DAB1: variants seen among roughly 807,000 people sequenced by gnomAD.
DAB1 encodes the protein disabled homolog 1.
In DAB1, 15 loss-of-function variants were observed where a neutral mutation model predicts 64.6. That is an observed-to-expected ratio of 0.23 (90% confidence interval 0.16 to 0.36). The LOEUF is 0.36. Among genes scored for constraint, DAB1 ranks in the 10% least tolerant of loss-of-function variants. The pLI is 1.00. For synonymous variants in DAB1, 235 were observed against 251.9 expected, an observed-to-expected ratio of 0.93 and a Z score of 0.64; for missense variants, 596 against 706.7, an observed-to-expected ratio of 0.84 and a Z score of 1.78.
chr1:57,514,759 C>G (rs1287654660), intron 7 of DAB1, among the ~76,000 whole-genome samples: 1 of 152,186 alleles, frequency 6.6e-6, no homozygotes, highest in African/African-American at 2.4e-5. Flanking sequence ...GCCAGACTGT[C>G]TAGGTTCAAA....
intron 4 of DAB1, among the ~76,000 whole-genome samples, chr1:58,283,055 G>C (rs1383111565): frequency 6.7e-6 from 1 of 150,156 alleles, no homozygotes; most frequent in African/African-American, 2.5e-5. Context: ...ATAGTAGACA[G>C]AATTTTTTTT....
chr1:57,184,254 G>A (rs1253085421), intron 2 of DAB1, among the ~76,000 whole-genome samples: 1 of 152,168 alleles, frequency 6.6e-6, no homozygotes, highest in Non-Finnish European at 1.5e-5. Context: ...TCAGGCCAGA[G>A]CAAACTACAA....
At chr1:58,125,129 A>C (rs942265654) in intron 5 of DAB1, among the ~76,000 whole-genome samples, 82 of 152,198 alleles carry the variant, frequency 5.4e-4, no homozygotes, top group Non-Finnish European at 4.4e-5. Flanking sequence ...CATTGCATGG[A>C]ATATTAACTC....
intron 5 of DAB1, chr1:58,049,477 G>A: frequency 4.3e-6 from 1 of 230,518 alleles, no homozygotes; most frequent in Non-Finnish European, 8.5e-6. Flanking sequence ...CATTGCAGAA[G>A]GAATTGATTG....
chr1:57,957,083 T>C (rs928790561), intron 5 of DAB1, among the ~76,000 whole-genome samples: 5 of 152,176 alleles, frequency 3.3e-5, no homozygotes, highest in African/African-American at 4.8e-5. Context: ...TTGGAAAATT[T>C]TGAAAGGAGG....
chr1:57,287,680 G>T (rs1442561040), intron 2 of DAB1, among the ~76,000 whole-genome samples: 1 of 152,026 alleles, frequency 6.6e-6, no homozygotes, highest in African/African-American at 2.4e-5. Context: ...TATTAATTTT[G>T]TCCAAGTTAG....
At chr1:58,022,084 G>A (rs1557613382) in intron 5 of DAB1, among the ~76,000 whole-genome samples, 1 of 152,142 alleles carries the variant, frequency 6.6e-6, no homozygotes. Context: ...GATCCCATGG[G>A]CAGACCCCTT....
At chr1:57,017,557 T>C (rs1646474281) in intron 11 of DAB1, among the ~76,000 whole-genome samples, 1 of 152,166 alleles carries the variant, frequency 6.6e-6, no homozygotes, top group Non-Finnish European at 1.5e-5. Context: ...AAGGTGCCCA[T>C]TTCCTCTCAT....
chr1:58,163,789 A>G (rs1250615505), intron 4 of DAB1, among the ~76,000 whole-genome samples: 1 of 152,232 alleles, frequency 6.6e-6, no homozygotes, highest in Non-Finnish European at 1.5e-5. Context: ...GGTCTGACAG[A>G]GACGTATTCC....
At chr1:58,370,597 A>G (rs1030504726) in intron 3 of DAB1, among the ~76,000 whole-genome samples, 6 of 152,168 alleles carry the variant, frequency 3.9e-5, no homozygotes, top group African/African-American at 1.4e-4. Flanking sequence ...TATTATTTGT[A>G]TAAACACACT....
chr1:58,286,517 G>A (rs1661686894), intron 4 of DAB1, among the ~76,000 whole-genome samples: 1 of 152,118 alleles, frequency 6.6e-6, no homozygotes, highest in African/African-American at 2.4e-5. Context: ...GACATGAACA[G>A]ACACTTCTCA....
At chr1:57,058,313 A>G (rs1334584750) in intron 9 of DAB1, among the ~76,000 whole-genome samples, 1 of 152,214 alleles carries the variant, frequency 6.6e-6, no homozygotes, top group Non-Finnish European at 1.5e-5. Context: ...GAGAACCAAC[A>G]CTGTCTTAGT....
intron 4 of DAB1, among the ~76,000 whole-genome samples, chr1:58,258,370 G>T (rs1449646161): frequency 6.6e-6 from 1 of 152,212 alleles, no homozygotes; most frequent in African/African-American, 2.4e-5. Flanking sequence ...TAAACCGACA[G>T]CCTGAGATAT....
intron 4 of DAB1, among the ~76,000 whole-genome samples, chr1:58,342,612 C>T (rs1199131226): frequency 6.6e-6 from 1 of 152,154 alleles, no homozygotes; most frequent in African/African-American, 2.4e-5. Context: ...CTCAAGCTCA[C>T]TCAATGTACC....
chr1:57,568,130 C>T (rs1645146148), intron 7 of DAB1, among the ~76,000 whole-genome samples: 2 of 152,140 alleles, frequency 1.3e-5, no homozygotes. Context: ...CACACATCTA[C>T]AACTATCTGA....
At chr1:58,300,646 G>GGAAGGAAGGAAGGA (rs1553173952) in intron 4 of DAB1, among the ~76,000 whole-genome samples, 2 of 57,290 alleles carry the variant, frequency 3.5e-5, no homozygotes, top group Non-Finnish European at 7.1e-5. Context: ...GAGAGAGAGA[G>GGAAGGAAGGAAGGA]AGGAAGGAAG....
At chr1:57,230,037 G>A (rs776136935) in intron 2 of DAB1, among the ~76,000 whole-genome samples, 15 of 152,132 alleles carry the variant, frequency 9.9e-5, no homozygotes, top group Non-Finnish European at 1.9e-4. Context: ...TTCTCCTTCA[G>A]AACCCATGAA....
chr1:57,538,571 G>A (rs966464324), intron 7 of DAB1, among the ~76,000 whole-genome samples: 1 of 152,230 alleles, frequency 6.6e-6, no homozygotes, highest in Non-Finnish European at 1.5e-5. Flanking sequence ...AAGAGCTGGA[G>A]ATGGACGCTT....
At chr1:57,101,366 C>T (rs1654670533) in intron 4 of DAB1, among the ~76,000 whole-genome samples, 1 of 152,118 alleles carries the variant, frequency 6.6e-6, no homozygotes, top group Non-Finnish European at 1.5e-5. Flanking sequence ...AATTAGTCAC[C>T]CTTTGTTGAA....
Sources: gnomAD v4.1 joint callset for allele counts (sites outside exome capture counted in the v4.1 genomes callset) on GRCh38, gnomAD v4.1.1 for gene constraint, MANE v1.5 for transcripts, NCBI Gene and HGNC (gene_info 2026-07-23, HGNC 2026-07-21) for gene names.